The following PDE3A variants were observed in gnomAD, a reference collection of about 807,000 sequenced individuals.
PDE3A encodes phosphodiesterase 3A, also known as cGMP-inhibited 3',5'-cyclic phosphodiesterase 3A.
PDE3A carries 43 observed loss-of-function variants against 98.3 expected under a neutral mutation model. The observed-to-expected ratio is 0.44, with a 90% CI of 0.34 to 0.56. The LOEUF (loss-of-function observed/expected upper bound fraction) is 0.56, where lower values mean the gene tolerates loss of function less well. Among genes scored for constraint, PDE3A ranks in the 20% least tolerant of loss-of-function variants. The pLI is 0.01. For synonymous variants in PDE3A, 663 were observed against 567.9 expected, an observed-to-expected ratio of 1.17 and a Z score of -2.38; for missense variants, 1,427 against 1,440.7, an observed-to-expected ratio of 0.99 and a Z score of 0.15.
chr12:20,601,655 A>G (rs1943595204), intron 2 of PDE3A, among the ~76,000 whole-genome samples: 1 of 152,224 alleles, frequency 6.6e-6, no homozygotes, highest in Non-Finnish European at 1.5e-5. Context: ...ACTTAGACAA[A>G]TCATTAATTA....
intron 2 of PDE3A, among the ~76,000 whole-genome samples, chr12:20,573,604 T>C (rs1942855296): frequency 6.6e-6 from 1 of 152,084 alleles, no homozygotes; most frequent in African/African-American, 2.4e-5. Flanking sequence ...GCCACTTTCG[T>C]CTCTTCTGTG....
intron 1 of PDE3A, among the ~76,000 whole-genome samples, chr12:20,517,600 T>C (rs2121138096): frequency 6.6e-6 from 1 of 152,342 alleles, no homozygotes. Flanking sequence ...CTGGATGATT[T>C]ACTTCTACTG....
Position 20,660,841 on chromosome 12 carries a change from G to A in PDE3A, c.3184+6636G>A, listed in dbSNP as rs557077960. ...AGTCTCAGGTATGTCTTTGTCAGCT[G>A]CATGGAAATGGACGAATACAGTAAA... On this transcript the variant is annotated intron_variant, in intron 15 of 15. Coordinates refer to ENST00000359062, the MANE Select transcript of PDE3A (RefSeq NM_000921.5). Among the ~76,000 whole-genome samples the A allele has an allele frequency of 3.9e-5, 6 of 152,216 alleles. No homozygotes were observed. The South Asian group carries it at 1.2e-3, about 32-fold the overall frequency.
At chr12:20,639,076 T>C (rs1000219346) in intron 9 of PDE3A, among the ~76,000 whole-genome samples, 2 of 152,110 alleles carry the variant, frequency 1.3e-5, no homozygotes, top group East Asian at 1.9e-4. Context: ...TGAGGATTCA[T>C]ACCTAGTAGA....
At position 20,680,516 on chromosome 12, in the gene PDE3A, A is replaced by ATG. The variant is rs927762344; in HGVS notation, c.*255_*256dup. 6.5e-5 allele frequency: 30 copies of ATG among 464,308 alleles called. No individual in the cohort carries two copies. Among genetic ancestry groups the ATG allele is most frequent in the African/African-American group, 5.1e-4 (26 of 51,246 alleles). 28.8% of individuals were successfully genotyped at this position (464,308 alleles called of 1,614,324 possible). ...AGGATTTTTTAAGGAGGGAATATAT[A>ATG]TGTGTGTGTGTATATAAGCTCCCAC... On this transcript the variant is annotated 3_prime_UTR_variant, in exon 16 of 16. Transcript: ENST00000359062.
intron 1 of PDE3A, among the ~76,000 whole-genome samples, chr12:20,391,248 T>A (rs1591877554): frequency 6.6e-6 from 1 of 151,766 alleles, no homozygotes; most frequent in East Asian, 1.9e-4. Context: ...TTCTAGATGC[T>A]TACTATAGTT....
At chr12:20,553,257 G>C (rs1942267586) in intron 1 of PDE3A, among the ~76,000 whole-genome samples, 1 of 118,818 alleles carries the variant, frequency 8.4e-6, no homozygotes. Context: ...AAACATAAAA[G>C]CCTGCAATTT....
Position 20,371,930 on chromosome 12 carries a change from C to G in PDE3A, c.960+1686C>G, listed in dbSNP as rs911910936. ...TAACTTATAGGGAAATAGGATGTTA[C>G]TATTGCAAAATTCACAACCATAATT... On this transcript the variant is annotated intron_variant, in intron 1 of 15. Coordinates refer to ENST00000359062, the MANE Select transcript of PDE3A (RefSeq NM_000921.5). Among the ~76,000 whole-genome samples, 27 of 152,252 alleles carry G rather than the reference C, an allele frequency of 1.8e-4. 1 individual carries two copies. Among genetic ancestry groups the G allele is most frequent in the African/African-American group, 6.0e-4 (25 of 41,560 alleles).
intron 2 of PDE3A, among the ~76,000 whole-genome samples, chr12:20,602,944 C>T (rs1410963794): frequency 6.6e-6 from 1 of 152,126 alleles, no homozygotes; most frequent in Non-Finnish European, 1.5e-5. Flanking sequence ...ACCAGTAATG[C>T]ACCAAAGATC....
chr12:20,595,558 CA>C (rs1943446091), intron 2 of PDE3A, among the ~76,000 whole-genome samples: 1 of 152,160 alleles, frequency 6.6e-6, no homozygotes, highest in Admixed American at 6.5e-5. Flanking sequence ...CCAGCAGCCA[CA>C]AGACATGCTT....
At chr12:20,494,828 G>A (rs1342496838) in intron 1 of PDE3A, among the ~76,000 whole-genome samples, 1 of 149,660 alleles carries the variant, frequency 6.7e-6, no homozygotes, top group Non-Finnish European at 1.5e-5. Flanking sequence ...TTTGCTAAAG[G>A]TAATTGAAGA....
At chr12:20,475,168 A>AGTGT (rs1945506870) in intron 1 of PDE3A, among the ~76,000 whole-genome samples, 1 of 99,412 alleles carries the variant, frequency 1.0e-5, no homozygotes, top group Non-Finnish European at 2.0e-5. Context: ...GAGAGGAAAA[A>AGTGT]ATGTGTGTGA....
chr12:20,648,403 A>G (rs1264704833), intron 12 of PDE3A, among the ~76,000 whole-genome samples: 1 of 151,752 alleles, frequency 6.6e-6, no homozygotes, highest in Non-Finnish European at 1.5e-5. Context: ...AAATCTAAAG[A>G]AAAAATCTTT....
intron 1 of PDE3A, among the ~76,000 whole-genome samples, chr12:20,502,045 A>G (rs2121086025): frequency 6.6e-6 from 1 of 152,308 alleles, no homozygotes; most frequent in East Asian, 1.9e-4. Context: ...TACTTCACAG[A>G]GTAATATTAA....
chr12:20,480,365 C>T (rs1443975824), intron 1 of PDE3A, among the ~76,000 whole-genome samples: 1 of 152,142 alleles, frequency 6.6e-6, no homozygotes, highest in Middle Eastern at 3.2e-3. Flanking sequence ...GGCTTTTAAA[C>T]TTATTTCCAT....
intron 15 of PDE3A, among the ~76,000 whole-genome samples, chr12:20,660,007 C>T (rs1945126761): frequency 6.6e-6 from 1 of 151,934 alleles, no homozygotes; most frequent in South Asian, 2.1e-4. Flanking sequence ...TCCCACCCAA[C>T]CCTCATCTTG....
chr12:20,437,988 A>G (rs143818646), intron 1 of PDE3A, among the ~76,000 whole-genome samples: 24 of 151,280 alleles, frequency 1.6e-4, no homozygotes, highest in African/African-American at 5.1e-4. Context: ...TTTTTCCAGT[A>G]AGATTTACCA....
intron 4 of PDE3A, among the ~76,000 whole-genome samples, chr12:20,621,061 C>T (rs1442677077): frequency 5.3e-5 from 8 of 151,988 alleles, no homozygotes; most frequent in Non-Finnish European, 1.0e-4. Flanking sequence ...TATCTTTCCT[C>T]TTTGTTAACC....
In PDE3A at chr12:20,657,044, T is replaced by A. The variant is rs544614856; in HGVS notation, c.3184+2839T>A. On this transcript the variant is annotated intron_variant, in intron 15 of 15. Transcript: ENST00000359062. ...CCAAAAGTTAACTGACCACATTATA[T>A]TACAATTTAAAAATATCCCATCCAC... Among the ~76,000 whole-genome samples the A allele has an allele frequency of 2.6e-5, 4 of 152,320 alleles. No homozygotes were observed. The East Asian group carries it at 7.7e-4, about 29-fold the overall frequency.
Sources: allele counts gnomAD v4.1 joint callset (sites outside exome capture counted in the v4.1 genomes callset), GRCh38; gene constraint gnomAD v4.1.1; transcripts MANE v1.5; gene names NCBI Gene and HGNC (gene_info 2026-07-23, HGNC 2026-07-21).